Variants in ROBO1 observed in about 807,000 individuals in gnomAD.
ROBO1 encodes the protein roundabout homolog 1.
ROBO1 carries 149 observed loss-of-function variants against 195.9 expected under a neutral mutation model. The ratio of observed to expected loss-of-function variants is 0.76; its 90% CI spans 0.67 to 0.87. The LOEUF (loss-of-function observed/expected upper bound fraction) is 0.87, where lower values mean the gene tolerates loss of function less well. ROBO1 is among the 40% of genes least tolerant of loss of function. ROBO1 has a pLI of 0.00. For missense variants in ROBO1, 1,933 were observed against 2,068.3 expected, an observed-to-expected ratio of 0.93 and a Z score of 1.27; for synonymous variants, 816 against 733.2, an observed-to-expected ratio of 1.11 and a Z score of -1.82.
In ROBO1 at chr3:79,064,957, A is replaced by C. The variant is rs531855198; in HGVS notation, c.172+60499T>G. Among the ~76,000 whole-genome samples, 15 of 152,112 alleles carry C rather than the reference A, an allele frequency of 9.9e-5. No individual in the cohort carries two copies. The South Asian group carries it at 2.7e-3, about 27-fold the overall frequency. ...AGGTAAAAATTACAGAAAGTGTAGA[A>C]GTTTTAAAGCATTAAGAAGGGACAC... On this transcript the variant is annotated intron_variant, in intron 3 of 30. Coordinates refer to ENST00000464233, the MANE Select transcript of ROBO1 (RefSeq NM_002941.4).
chr3:79,382,741 T>C (rs1280238544), intron 2 of ROBO1, among the ~76,000 whole-genome samples: 2 of 152,170 alleles, frequency 1.3e-5, no homozygotes, highest in Non-Finnish European at 2.9e-5. Flanking sequence ...TAACTAGTGT[T>C]TTTTGATACA....
At chr3:78,847,745 C>G (rs1464677296) in intron 4 of ROBO1, among the ~76,000 whole-genome samples, 1 of 152,104 alleles carries the variant, frequency 6.6e-6, no homozygotes, top group Non-Finnish European at 1.5e-5. Context: ...AGCCACATAA[C>G]TTCTTCAAGG....
intron 2 of ROBO1, among the ~76,000 whole-genome samples, chr3:79,173,189 C>A (rs1332914041): frequency 6.6e-6 from 1 of 152,036 alleles, no homozygotes; most frequent in Non-Finnish European, 1.5e-5. Flanking sequence ...GCCCTCACAG[C>A]CCTCACTCGC....
intron 2 of ROBO1, among the ~76,000 whole-genome samples, chr3:79,506,617 G>C (rs1193916889): frequency 6.6e-6 from 1 of 152,064 alleles, no homozygotes; most frequent in East Asian, 1.9e-4. Context: ...GCTAATTTTT[G>C]TACTTTTAGT....
chr3:78,962,282 A>G (rs1245864750), intron 3 of ROBO1, among the ~76,000 whole-genome samples: 1 of 152,166 alleles, frequency 6.6e-6, no homozygotes, highest in Non-Finnish European at 1.5e-5. Flanking sequence ...GTGGAATGCA[A>G]ATCTCTCTGG....
At chr3:79,017,851 G>A (rs983646144) in intron 3 of ROBO1, among the ~76,000 whole-genome samples, 3 of 152,102 alleles carry the variant, frequency 2.0e-5, no homozygotes, top group East Asian at 1.9e-4. Context: ...CCTTAAGAAG[G>A]AGTTATTTCG....
chr3:78,638,222 T>C (rs1027506256), intron 22 of ROBO1, among the ~76,000 whole-genome samples: 1 of 135,370 alleles, frequency 7.4e-6, no homozygotes, highest in African/African-American at 2.8e-5. Context: ...TATACACTTA[T>C]ATACATATAT....
intron 5 of ROBO1, among the ~76,000 whole-genome samples, chr3:78,724,210 T>C (rs2082109140): frequency 6.6e-6 from 1 of 152,126 alleles, no homozygotes; most frequent in Non-Finnish European, 1.5e-5. Context: ...ATTATGTCAA[T>C]GACTACATTG....
chr3:79,116,027 G>T (rs1336700193), intron 3 of ROBO1, among the ~76,000 whole-genome samples: 1 of 152,090 alleles, frequency 6.6e-6, no homozygotes, highest in Admixed American at 6.6e-5. Context: ...CTTTCCTTAA[G>T]GAAGTAGTGT....
At chr3:79,060,356 G>C (rs1258756232) in intron 3 of ROBO1, among the ~76,000 whole-genome samples, 4 of 151,884 alleles carry the variant, frequency 2.6e-5, no homozygotes, top group African/African-American at 7.2e-5. Flanking sequence ...TGAAGCATGT[G>C]ATCTCTGTGA....
At chr3:79,468,214 C>T (rs904731750) in intron 2 of ROBO1, among the ~76,000 whole-genome samples, 1 of 152,200 alleles carries the variant, frequency 6.6e-6, no homozygotes, top group African/African-American at 2.4e-5. Context: ...ATTGTCATAG[C>T]CCCAATACCT....
chr3:79,095,316 A>T (rs1392985117), intron 3 of ROBO1, among the ~76,000 whole-genome samples: 2 of 152,044 alleles, frequency 1.3e-5, no homozygotes, highest in East Asian at 3.9e-4. Context: ...GACTTTAGAG[A>T]CTACTTGGAT....
chr3:79,548,636 G>T (rs1313908698), intron 2 of ROBO1, among the ~76,000 whole-genome samples: 1 of 152,094 alleles, frequency 6.6e-6, no homozygotes, highest in Non-Finnish European at 1.5e-5. Flanking sequence ...GACTTCTTTT[G>T]CAATAGGTTC....
intron 2 of ROBO1, among the ~76,000 whole-genome samples, chr3:79,454,314 T>C (rs2107216667): frequency 6.6e-6 from 1 of 152,220 alleles, no homozygotes; most frequent in Middle Eastern, 3.4e-3. Flanking sequence ...TTTTTATTTA[T>C]TTGTCAAGGC....
At chr3:79,594,596 C>T (rs748826167) in intron 1 of ROBO1, among the ~76,000 whole-genome samples, 14 of 151,868 alleles carry the variant, frequency 9.2e-5, no homozygotes, top group East Asian at 1.9e-4. Context: ...TCAAATTGTT[C>T]CACCATGAAT....
At position 78,668,564 on chromosome 3, in the gene ROBO1, A is replaced by C; in HGVS notation, c.1550T>G (p.Leu517Arg). ...NGVLQIRYAKLGDTGRYTCIA... is the reference protein window; with the variant it reads ...NGVLQIRYAKRGDTGRYTCIA... ...GCAGGTGTACCGACCAGTATCACCC[A>C]GCTGAGAAGGCAGACAAAAAATAAA... is the stretch of plus-strand genomic sequence containing the variant. Residue 517 changes from leucine (L) to arginine (R), a missense_variant and splice_region_variant, in exon 12 of 31, where the codon CTG (leucine) becomes CGG (arginine). Transcript: ENST00000464233. 2 of 1,612,520 alleles carry C rather than the reference A, an allele frequency of 1.2e-6. No individual in the cohort carries two copies. Among genetic ancestry groups the C allele is most frequent in the Non-Finnish European group, 1.7e-6 (2 of 1,179,034 alleles).
chr3:78,845,805 C>T (rs993835898), intron 4 of ROBO1, among the ~76,000 whole-genome samples: 2 of 152,084 alleles, frequency 1.3e-5, no homozygotes, highest in South Asian at 2.1e-4. Flanking sequence ...CAATAAACTG[C>T]CTTTTCAGAT....
At chr3:79,035,415 G>T (rs1430138165) in intron 3 of ROBO1, among the ~76,000 whole-genome samples, 1 of 152,078 alleles carries the variant, frequency 6.6e-6, no homozygotes, top group Non-Finnish European at 1.5e-5. Context: ...AATTATTGAC[G>T]ATATCCATGA....
chr3:79,409,532 C>A (rs1463292121), intron 2 of ROBO1, among the ~76,000 whole-genome samples: 2 of 152,106 alleles, frequency 1.3e-5, no homozygotes, highest in Middle Eastern at 3.2e-3. Flanking sequence ...TCATAACTTC[C>A]TCATTTTTGG....
Sources: gnomAD v4.1 joint callset for allele counts (sites outside exome capture counted in the v4.1 genomes callset) on GRCh38, gnomAD v4.1.1 for gene constraint, MANE v1.5 for transcripts, NCBI Gene and HGNC (gene_info 2026-07-23, HGNC 2026-07-21) for gene names.